The following FYB2 variants were observed in gnomAD, a reference collection of about 807,000 sequenced individuals.
FYB2 encodes the protein FYN binding protein 2.
Under a neutral mutation model 94.1 loss-of-function variants are expected in FYB2, and 103 were observed. The ratio of observed to expected loss-of-function variants is 1.09; its 90% CI spans 0.93 to 1.29. FYB2 has a LOEUF of 1.29. Among genes scored for constraint, FYB2 ranks in the 50% most tolerant of loss-of-function variants. The pLI is 0.00. For missense variants in FYB2, 896 were observed against 841.5 expected (o/e 1.06, Z -0.80); for synonymous variants, 293 against 287.9 (o/e 1.02, Z -0.18).
rs772577219 is a variant in FYB2, at chr1:56,718,874, C to A, written c.*797G>T. On this transcript the variant is annotated 3_prime_UTR_variant, in exon 20 of 20. Coordinates refer to ENST00000343433, the MANE Select transcript of FYB2 (RefSeq NM_001004303.5). ...ATTTAAAAAACAGAATAGATGTCAG[C>A]TTTTAAATTTTTATTTAATTCCATA... The A allele has an allele frequency of 1.9e-4, 29 of 152,604 alleles. No individual in the cohort carries two copies. The highest frequency in any genetic ancestry group is 2.6e-4 in the Admixed American group (4 of 15,276). The allele number at this position is 152,604 out of a possible 1,614,324, so 9.5% of individuals were successfully genotyped here.
chr1:56,743,934 A>T (rs1645012737), intron 11 of FYB2, 92 bp downstream of exon 11: 1 of 1,360,664 alleles, frequency 7.3e-7, no homozygotes, highest in Non-Finnish European at 1.0e-6. Flanking sequence ...TTATTAAAAT[A>T]TGAATAATTA....
intron 1 of FYB2, among the ~76,000 whole-genome samples, chr1:56,793,078 C>T (rs74884763): frequency 0.011 from 1,702 of 152,148 alleles, 35 homozygotes; most frequent in African/African-American, 0.039. Flanking sequence ...ATAAAGAACA[C>T]CTATATACAG....
At position 56,753,933 on chromosome 1, in the gene FYB2, G is replaced by A. The variant is rs199726486; in HGVS notation, c.1133C>T (p.Ala378Val). The A allele has an allele frequency of 1.3e-6, 2 of 1,581,890 alleles. No individual in the cohort carries two copies. The highest frequency in any genetic ancestry group is 1.7e-6 in the Non-Finnish European group (2 of 1,161,732). Residue 378 changes from alanine (A) to valine (V), a missense_variant and splice_region_variant, in exon 8 of 20, where the codon GCT (alanine) becomes GTT (valine). Ala to Val is a moderately conservative substitution (Grantham distance 64, BLOSUM62 0). Coordinates refer to ENST00000343433, the MANE Select transcript of FYB2 (RefSeq NM_001004303.5). The part of the protein sequence containing the change: ...GKNFPYPEPS[A>V]KHEDKKMKEK... ...CTTCATTTTTTTATCTTCATGTTTA[G>A]CACTGAAATGTGAAGAGATACCAGG...
intron 13 of FYB2, among the ~76,000 whole-genome samples, chr1:56,740,457 A>C (rs963622702): frequency 5.9e-5 from 9 of 151,904 alleles, no homozygotes; most frequent in African/African-American, 2.2e-4. Context: ...TTTTCCCTCT[A>C]CCCTTATTTT....
intron 3 of FYB2, among the ~76,000 whole-genome samples, chr1:56,788,150 A>C (rs542237573): frequency 6.6e-6 from 1 of 152,166 alleles, no homozygotes; most frequent in Non-Finnish European, 1.5e-5. Flanking sequence ...CCTCTAGGTG[A>C]TTCTGATGTA....
chr1:56,777,268 A>AAAAAAAG (rs1645901349), intron 4 of FYB2, among the ~76,000 whole-genome samples: 1 of 8,004 alleles, frequency 1.2e-4, no homozygotes, highest in Non-Finnish European at 1.8e-4. Flanking sequence ...AAAAAAAAAA[A>AAAAAAAG]AAAAAAGAAA....
rs1049582632 is a variant in FYB2 at position 56,792,895 on chromosome 1, A to C, written c.10-92T>G. On this transcript the variant is annotated intron_variant, in intron 1 of 19. Transcript: ENST00000343433. ...AGTGTCTCATTATTCCAAGAAAAAA[A>C]GTCAGTGTGATTAGATCTCACTGAT... 19 of 1,347,660 alleles carry C rather than the reference A, an allele frequency of 1.4e-5. No individual in the cohort carries two copies. The African/African-American group carries it at 2.8e-4, about 20-fold the overall frequency. The allele number at this position is 1,347,660 out of a possible 1,614,324, so 83.5% of individuals were successfully genotyped here.
intron 6 of FYB2, among the ~76,000 whole-genome samples, chr1:56,756,172 C>T (rs1557614894): frequency 6.6e-6 from 1 of 152,082 alleles, no homozygotes; most frequent in Non-Finnish European, 1.5e-5. Flanking sequence ...TGATGTGACT[C>T]AGAAAAATTG....
chr1:56,723,519 G>C (rs1338939140), intron 17 of FYB2, 69 bp downstream of exon 17: 1 of 894,768 alleles, frequency 1.1e-6, no homozygotes, highest in Non-Finnish European at 1.7e-6. Flanking sequence ...CATACTTACA[G>C]ATTTTTTTTT....
Position 56,812,233 on chromosome 1 carries a change from T to G in FYB2, c.9+7049A>C, listed in dbSNP as rs1187852761. Among the ~76,000 whole-genome samples the G allele has an allele frequency of 3.3e-5, 5 of 152,218 alleles. No individual in the cohort carries two copies. The East Asian group carries it at 9.6e-4, about 29-fold the overall frequency. The stretch of plus-strand genomic sequence containing the variant: ...TGAAACTCACAGAAGATAAGTGATT[T>G]GCTCAAGGTCATATTTCAAGTAGAT... On this transcript the variant is annotated intron_variant, in intron 1 of 19. Coordinates refer to ENST00000343433, the MANE Select transcript of FYB2 (RefSeq NM_001004303.5).
chr1:56,794,789 C>T (rs1163908533), intron 1 of FYB2, among the ~76,000 whole-genome samples: 3 of 152,108 alleles, frequency 2.0e-5, no homozygotes, highest in Non-Finnish European at 4.4e-5. Flanking sequence ...ATCAGGAGAT[C>T]TGAGTGTGAA....
At chr1:56,737,964 A>G (rs1171017681) in intron 14 of FYB2, among the ~76,000 whole-genome samples, 2 of 152,080 alleles carry the variant, frequency 1.3e-5, no homozygotes, top group East Asian at 1.9e-4. Context: ...ATGAAATATA[A>G]TATACTTTTG....
At chr1:56,748,166 A>T (rs1482254523) in intron 9 of FYB2, among the ~76,000 whole-genome samples, 1 of 152,104 alleles carries the variant, frequency 6.6e-6, no homozygotes, top group Non-Finnish European at 1.5e-5. Flanking sequence ...AGATGGATAG[A>T]TTCCAAAAAT....
intron 1 of FYB2, among the ~76,000 whole-genome samples, chr1:56,795,538 T>G (rs911290557): frequency 3.3e-5 from 5 of 152,152 alleles, no homozygotes; most frequent in African/African-American, 1.2e-4. Context: ...TATTTTTAAT[T>G]TTTGAGGAGC....
At chr1:56,769,630 G>C (rs187198386) in intron 4 of FYB2, among the ~76,000 whole-genome samples, 1 of 152,128 alleles carries the variant, frequency 6.6e-6, no homozygotes, top group Admixed American at 6.5e-5. Flanking sequence ...TGGAGATTTT[G>C]ATTAACATTA....
chr1:56,758,929 T>A (rs1447426291), intron 5 of FYB2, among the ~76,000 whole-genome samples, 179 bp from the exon 6 acceptor site: 1 of 152,176 alleles, frequency 6.6e-6, no homozygotes, highest in African/African-American at 2.4e-5. Context: ...GATCATGGTT[T>A]TAATTTCTGT....
intron 9 of FYB2, among the ~76,000 whole-genome samples, chr1:56,749,831 T>G (rs1645153369): frequency 1.3e-5 from 2 of 152,056 alleles, no homozygotes; most frequent in Admixed American, 6.6e-5. Flanking sequence ...AAAAGTTAGC[T>G]TTGGCATGCA....
intron 15 of FYB2, among the ~76,000 whole-genome samples, chr1:56,732,371 G>A (rs894295819): frequency 1.3e-5 from 2 of 152,104 alleles, no homozygotes; most frequent in South Asian, 4.1e-4. Flanking sequence ...CTCATAGATT[G>A]GAAGAATTAA....
chr1:56,774,703 AG>A (rs1645835549), intron 4 of FYB2, among the ~76,000 whole-genome samples: 2 of 152,128 alleles, frequency 1.3e-5, no homozygotes, highest in Admixed American at 1.3e-4. Flanking sequence ...AAGGATGCAA[AG>A]TATTGTGCCA....
Sources: allele counts gnomAD v4.1 joint callset (sites outside exome capture counted in the v4.1 genomes callset), GRCh38; gene constraint gnomAD v4.1.1; transcripts MANE v1.5; gene names NCBI Gene and HGNC (gene_info 2026-07-23, HGNC 2026-07-21).